The following USH2A variants were observed in gnomAD, a reference collection of about 807,000 sequenced individuals.
USH2A encodes the protein usherin.
USH2A carries 443 observed loss-of-function variants against 538.9 expected under a neutral mutation model. The observed-to-expected ratio is 0.82, with a 90% CI of 0.76 to 0.89. The LOEUF (loss-of-function observed/expected upper bound fraction) is 0.89. Ranked by LOEUF, USH2A falls within the 40% of genes least tolerant of loss-of-function variation. The probability of loss-of-function intolerance (pLI) is 0.00; values close to 1 mark genes in which losing one functional copy is unlikely to be tolerated. For missense variants in USH2A, 6,633 were observed against 6,324.8 expected (o/e 1.05, Z -1.65); for synonymous variants, 2,413 against 2,273.5 (o/e 1.06, Z -1.75).
chr1:215,736,313 G>A (rs1660153787), intron 60 of USH2A, among the ~76,000 whole-genome samples: 1 of 151,986 alleles, frequency 6.6e-6, no homozygotes, highest in Non-Finnish European at 1.5e-5. Flanking sequence ...TTATTCTATT[G>A]ATTTTATTCA....
intron 32 of USH2A, among the ~76,000 whole-genome samples, chr1:216,001,600 C>A (rs960292286): frequency 1.3e-5 from 2 of 152,128 alleles, no homozygotes; most frequent in African/African-American, 4.8e-5. Flanking sequence ...TAGAAACAAT[C>A]ATTATTTTCT....
intron 11 of USH2A, among the ~76,000 whole-genome samples, chr1:216,272,489 TATTA>T (rs2036592007): frequency 2.0e-5 from 3 of 152,280 alleles, no homozygotes; most frequent in South Asian, 4.1e-4. Context: ...ACTCATGTTT[TATTA>T]ATTATTTCTT....
At chr1:215,966,572 A>C (rs1219078538) in intron 36 of USH2A, among the ~76,000 whole-genome samples, 1 of 152,242 alleles carries the variant, frequency 6.6e-6, no homozygotes, top group Non-Finnish European at 1.5e-5. Flanking sequence ...GTTAATTTTT[A>C]ATAACTATGA....
intron 36 of USH2A, among the ~76,000 whole-genome samples, chr1:215,967,622 G>T (rs1667383091): frequency 6.6e-6 from 1 of 152,052 alleles, no homozygotes; most frequent in African/African-American, 2.4e-5. Context: ...TCTCCTAAGG[G>T]GGTATAGGGA....
chr1:215,771,085 C>T (rs1331747471), intron 55 of USH2A, among the ~76,000 whole-genome samples: 1 of 150,896 alleles, frequency 6.6e-6, no homozygotes, highest in African/African-American at 2.4e-5. Flanking sequence ...TGAGATCCTG[C>T]CACTATGCTC....
intron 3 of USH2A, among the ~76,000 whole-genome samples, chr1:216,406,875 T>C (rs751213049): frequency 7.2e-5 from 11 of 152,140 alleles, no homozygotes; most frequent in Non-Finnish European, 1.2e-4. Context: ...AATAACACAA[T>C]GGGTTTATAT....
intron 3 of USH2A, among the ~76,000 whole-genome samples, chr1:216,383,288 A>G (rs1218094850): frequency 6.6e-6 from 1 of 152,202 alleles, no homozygotes; most frequent in African/African-American, 2.4e-5. Flanking sequence ...CTACGCAAAG[A>G]TTCAGAAGGT....
chr1:215,696,673 G>A (rs34290693), intron 61 of USH2A, among the ~76,000 whole-genome samples: 28,360 of 152,058 alleles, frequency 0.19, 3,141 homozygotes, highest in East Asian at 0.41. Flanking sequence ...TGAAGAGTTA[G>A]CGGATACAGA....
chr1:216,219,515 C>T (rs936795682), intron 14 of USH2A, among the ~76,000 whole-genome samples: 7 of 152,060 alleles, frequency 4.6e-5, no homozygotes, highest in Middle Eastern at 3.4e-3. Context: ...ATAAGTTATC[C>T]CTCCTCAAGA....
At chr1:216,137,758 T>C (rs748795410) in intron 21 of USH2A, among the ~76,000 whole-genome samples, 2 of 152,100 alleles carry the variant, frequency 1.3e-5, no homozygotes, top group Non-Finnish European at 2.9e-5. Flanking sequence ...CTGACTCAAA[T>C]ATTAATCTCC....
At chr1:216,243,715 A>C (rs1456654841) in intron 13 of USH2A, among the ~76,000 whole-genome samples, 2 of 152,224 alleles carry the variant, frequency 1.3e-5, no homozygotes, top group South Asian at 2.1e-4. Flanking sequence ...AGTAAGCTGA[A>C]GAAATGGAGC....
rs1438159405 is a variant in USH2A, at chr1:215,909,271, G to A, written c.7301-8366C>T. Among the ~76,000 whole-genome samples, 3 of 151,860 alleles carry A rather than the reference G, an allele frequency of 2.0e-5. No homozygotes were observed. The Admixed American group carries it at 2.0e-4, about 10-fold the overall frequency. ...ATAGAGACGATAAAAAGTGATCAGAGTTTGCCAGGGGTTGGGGGAGGGCTG... is the reference window on the plus strand; with the variant it reads ...ATAGAGACGATAAAAAGTGATCAGAATTTGCCAGGGGTTGGGGGAGGGCTG... On this transcript the variant is annotated intron_variant, in intron 38 of 71. Coordinates refer to ENST00000307340, the MANE Select transcript of USH2A (RefSeq NM_206933.4).
chr1:216,113,687 A>G (rs746460120), intron 21 of USH2A, among the ~76,000 whole-genome samples: 16 of 151,878 alleles, frequency 1.1e-4, no homozygotes, highest in Non-Finnish European at 1.8e-4. Context: ...AAAGTCATTT[A>G]CTTTTTTTTA....
intron 35 of USH2A, among the ~76,000 whole-genome samples, chr1:215,981,561 G>T (rs1180851103): frequency 6.6e-6 from 1 of 151,972 alleles, no homozygotes; most frequent in Non-Finnish European, 1.5e-5. Flanking sequence ...AGAGGAGGAG[G>T]CTTAACAGCT....
At chr1:215,869,075 C>T (rs1160657420) in intron 43 of USH2A, among the ~76,000 whole-genome samples, 1 of 152,218 alleles carries the variant, frequency 6.6e-6, no homozygotes, top group African/African-American at 2.4e-5. Flanking sequence ...ATAATAGTTA[C>T]TTAATAGCTG....
At chr1:215,934,853 T>G in intron 37 of USH2A, 58 bp from the exon 38 acceptor site, 1 of 1,478,172 alleles carries the variant, frequency 6.8e-7, no homozygotes, top group Non-Finnish European at 9.2e-7. Flanking sequence ...ATTCCTGCTA[T>G]TATTTGAGTA....
chr1:215,634,435 G>C (rs764462317), intron 70 of USH2A, 24 bp downstream of exon 70: 1 of 1,614,124 alleles, frequency 6.2e-7, no homozygotes, highest in Non-Finnish European at 8.5e-7. Context: ...ATAGGGAAAT[G>C]GGGCCACACC....
rs150184622 is a variant in USH2A at position 216,075,898 on chromosome 1, CTGA to C, written c.5572+2188_5572+2190del. Among the ~76,000 whole-genome samples the C allele has an allele frequency of 5.8e-3, 871 of 149,046 alleles. 10 individuals are homozygous for C. The highest frequency in any genetic ancestry group is 0.021 in the African/African-American group (827 of 40,116). On this transcript the variant is annotated intron_variant, in intron 27 of 71. Coordinates refer to ENST00000307340, the MANE Select transcript of USH2A (RefSeq NM_206933.4). ...CTAATATGACCACAAAATAGAGCTT[CTGA>C]TGAAAAAAAAAAGGTGCTAATTAAG...
intron 48 of USH2A, among the ~76,000 whole-genome samples, chr1:215,814,175 T>A (rs1222901483): frequency 2.7e-5 from 4 of 145,812 alleles, no homozygotes; most frequent in Non-Finnish European, 4.5e-5. Flanking sequence ...TATATAAAAT[T>A]TTAATTTTAT....
Sources: allele counts gnomAD v4.1 joint callset (sites outside exome capture counted in the v4.1 genomes callset), GRCh38; gene constraint gnomAD v4.1.1; transcripts MANE v1.5; gene names NCBI Gene and HGNC (gene_info 2026-07-23, HGNC 2026-07-21).